Variants in CDH7 observed in about 807,000 individuals in gnomAD.
CDH7 encodes the protein cadherin 7.
In CDH7, 25 loss-of-function variants were observed where a neutral mutation model predicts 71.8. That is an observed-to-expected ratio of 0.35 (90% CI 0.25 to 0.49). The LOEUF is 0.49. Ranked by LOEUF, CDH7 falls within the 20% of genes least tolerant of loss-of-function variation. CDH7 has a pLI of 0.99. For missense variants in CDH7, 862 were observed against 974.6 expected (o/e 0.88, Z 1.54); for synonymous variants, 381 against 363.8 (o/e 1.05, Z -0.54).
At chr18:65,793,439 G>A (rs1568188301) in intron 2 of CDH7, among the ~76,000 whole-genome samples, 1 of 150,858 alleles carries the variant, frequency 6.6e-6, no homozygotes, top group African/African-American at 2.5e-5. Flanking sequence ...AAAAAGAGAG[G>A]GAGAGAGAGA....
intron 2 of CDH7, among the ~76,000 whole-genome samples, chr18:65,781,262 C>T (rs1220418312): frequency 6.6e-6 from 1 of 152,054 alleles, no homozygotes; most frequent in Admixed American, 6.6e-5. Context: ...ATAGATTAGC[C>T]TCATTTTACT....
chr18:65,880,005 C>T (rs999166789), intron 11 of CDH7, among the ~76,000 whole-genome samples: 2 of 152,170 alleles, frequency 1.3e-5, no homozygotes, highest in Non-Finnish European at 2.9e-5. Context: ...TTAAATTAGA[C>T]ACAAAACATT....
chr18:65,847,178 TAGC>T (rs1422801618), intron 7 of CDH7, among the ~76,000 whole-genome samples: 1 of 152,164 alleles, frequency 6.6e-6, no homozygotes, highest in Non-Finnish European at 1.5e-5. Flanking sequence ...GATGAATAAA[TAGC>T]AGTCTTCTGA....
intron 7 of CDH7, among the ~76,000 whole-genome samples, chr18:65,853,604 A>C (rs1454071334): frequency 1.3e-5 from 2 of 151,742 alleles, no homozygotes; most frequent in Non-Finnish European, 2.9e-5. Flanking sequence ...GGTGACCCCA[A>C]GTCCTTGCCA....
chr18:65,855,611 T>C (rs1401917494), intron 7 of CDH7, among the ~76,000 whole-genome samples: 1 of 152,158 alleles, frequency 6.6e-6, no homozygotes, highest in East Asian at 1.9e-4. Flanking sequence ...TTAAAAACTT[T>C]CTGAAAATGG....
At chr18:65,781,496 A>T (rs112392986) in intron 2 of CDH7, among the ~76,000 whole-genome samples, 2,046 of 152,274 alleles carry the variant, frequency 0.013, 59 homozygotes, top group African/African-American at 0.047. Flanking sequence ...TATTTTGTAT[A>T]CTTGAATGTG....
chr18:65,787,661 C>T (rs1170386345), intron 2 of CDH7, among the ~76,000 whole-genome samples: 1 of 152,178 alleles, frequency 6.6e-6, no homozygotes, highest in Non-Finnish European at 1.5e-5. Flanking sequence ...ACTGCAAAGT[C>T]ATAAGGCAGA....
In CDH7 at chr18:65,782,160, TTC is replaced by T. The variant is rs1387403328; in HGVS notation, c.210+19110_210+19111del. 6.7e-4 allele frequency among the ~76,000 whole-genome samples: 79 copies of T among 118,122 alleles called. 7 individuals are homozygous for T. Among genetic ancestry groups the T allele is most frequent in the African/African-American group, 3.3e-3 (75 of 22,770 alleles). The allele number at this position is 118,122 out of a possible 152,430, so 77.5% of individuals were successfully genotyped here. ...TTTCTTTCTTTCTTTCTTTCTTTCTTTCTTCCTTTCTTTCTTTCTTTCTTTCT... is the reference window on the plus strand; with the variant it reads ...TTTCTTTCTTTCTTTCTTTCTTTCTTTTCCTTTCTTTCTTTCTTTCTTTCT... On this transcript the variant is annotated intron_variant, in intron 2 of 11. Transcript: ENST00000397968.
chr18:65,828,603 G>A (rs1912218558), intron 6 of CDH7, among the ~76,000 whole-genome samples: 1 of 152,006 alleles, frequency 6.6e-6, no homozygotes, highest in Non-Finnish European at 1.5e-5. Context: ...CTGGTCAACA[G>A]TAGGATATTA....
At position 65,866,337 on chromosome 18, in the gene CDH7, A is replaced by C. The variant is rs1310895185; in HGVS notation, c.1864+3420A>C. The C allele has an allele frequency of 5.7e-5, 8 of 141,558 alleles. 3 individuals carry two copies. Among genetic ancestry groups the C allele is most frequent in the African/African-American group, 2.1e-4 (8 of 37,212 alleles). The allele number at this position is 141,558 out of a possible 1,614,324, so 8.8% of individuals were successfully genotyped here. A position where few individuals can be genotyped will look rare whatever the true frequency, so the allele number is the denominator to read the frequency against. On this transcript the variant is annotated intron_variant, in intron 11 of 11. Transcript: ENST00000397968. ...AAACAAAAAAAAAAAAAAACAAAAAAAAAAAAAAAAAGAATGAAACTATAG... is the reference window on the plus strand; with the variant it reads ...AAACAAAAAAAAAAAAAAACAAAAACAAAAAAAAAAAGAATGAAACTATAG...
In CDH7 at chr18:65,867,140, AT is replaced by A. The variant is rs527700554; in HGVS notation, c.1864+4225del. 1.4e-4 allele frequency among the ~76,000 whole-genome samples: 21 copies of A among 149,522 alleles called. 1 individual carries two copies. The South Asian group carries it at 4.4e-3, about 32-fold the overall frequency. Reference sequence around the variant, plus strand: ...AAGCTCCACCTCCTGGGTTCACGCCATTCTCCTGCCTCAGCCTCCCGAGTAG... The same window carrying A: ...AAGCTCCACCTCCTGGGTTCACGCCATCTCCTGCCTCAGCCTCCCGAGTAG... On this transcript the variant is annotated intron_variant, in intron 11 of 11. Transcript: ENST00000397968.
chr18:65,823,252 C>T (rs976015523), intron 5 of CDH7, among the ~76,000 whole-genome samples: 14 of 151,272 alleles, frequency 9.3e-5, no homozygotes, highest in Admixed American at 7.9e-4. Flanking sequence ...AAAAAGTGAC[C>T]CCAGGTTTAG....
rs1002472748 is a variant in CDH7, at chr18:65,805,415, G to A, written c.211-4289G>A. Among the ~76,000 whole-genome samples, 3 of 152,196 alleles carry A rather than the reference G, an allele frequency of 2.0e-5. No individual in the cohort carries two copies. In the East Asian group the frequency reaches 5.8e-4, roughly 29 times the overall value. ...AGATGTGGGAAAACGAGGCCTGGGA[G>A]ATAGTATGGAGTCAGATTGGGACTC... On this transcript the variant is annotated intron_variant, in intron 2 of 11. Transcript: ENST00000397968.
Position 65,857,862 on chromosome 18 carries a change from G to T in CDH7, c.1282G>T (p.Asp428Tyr). 6.2e-7 allele frequency: 1 copy of T among 1,613,422 alleles called. No individual in the cohort carries two copies. Among genetic ancestry groups the T allele is most frequent in the Non-Finnish European group, 8.5e-7 (1 of 1,179,488 alleles). Reference sequence around the variant, plus strand: ...AGACTTGGAGAGATACTTCAATATTGATGCCAACAGTGGGGTCATCACAAC... The same window carrying T: ...AGACTTGGAGAGATACTTCAATATTTATGCCAACAGTGGGGTCATCACAAC... ...NTDLERYFNIDANSGVITTAK... is the reference protein window; with the variant it reads ...NTDLERYFNIYANSGVITTAK... The change falls in exon 8 of 12, where the codon GAT becomes TAT. Residue 428 changes from aspartate to tyrosine, a missense_variant. Transcript: ENST00000397968.
At chr18:65,785,693 T>C (rs1212363854) in intron 2 of CDH7, among the ~76,000 whole-genome samples, 1 of 152,224 alleles carries the variant, frequency 6.6e-6, no homozygotes, top group East Asian at 1.9e-4. Flanking sequence ...TGACATTAGT[T>C]TTGAGTTCAT....
chr18:65,784,986 A>G (rs1316056134), intron 2 of CDH7, among the ~76,000 whole-genome samples: 1 of 152,208 alleles, frequency 6.6e-6, no homozygotes, highest in Non-Finnish European at 1.5e-5. Flanking sequence ...TAAATAAATA[A>G]TAATCAGGAA....
chr18:65,814,874 G>A (rs543734975), intron 4 of CDH7, among the ~76,000 whole-genome samples: 3 of 151,890 alleles, frequency 2.0e-5, no homozygotes, highest in Admixed American at 6.6e-5. Flanking sequence ...AGAAAATTTC[G>A]ATTCTTTACC....
intron 6 of CDH7, among the ~76,000 whole-genome samples, chr18:65,828,486 A>G (rs1243697812): frequency 6.6e-6 from 1 of 152,154 alleles, no homozygotes; most frequent in Non-Finnish European, 1.5e-5. Context: ...TAGCCTAGAG[A>G]TCTTGAACAT....
At chr18:65,810,987 A>C (rs1198695571) in intron 3 of CDH7, among the ~76,000 whole-genome samples, 1 of 152,166 alleles carries the variant, frequency 6.6e-6, no homozygotes, top group Non-Finnish European at 1.5e-5. Context: ...CATTTATTCA[A>C]GTACTTTTGG....
Sources: allele counts gnomAD v4.1 joint callset (sites outside exome capture counted in the v4.1 genomes callset), GRCh38; gene constraint gnomAD v4.1.1; transcripts MANE v1.5; gene names NCBI Gene and HGNC (gene_info 2026-07-23, HGNC 2026-07-21).